The following SRGAP2 variants were observed in gnomAD, a reference collection of about 807,000 sequenced individuals.
SRGAP2 encodes the protein SLIT-ROBO Rho GTPase activating protein 2, also known as SLIT-ROBO Rho GTPase-activating protein 2.
SRGAP2 carries 15 observed loss-of-function variants against 57.2 expected under a neutral mutation model. That is an observed-to-expected ratio of 0.26 (90% CI 0.18 to 0.40). SRGAP2 has a LOEUF of 0.40. SRGAP2 is among the 10% of genes least tolerant of loss of function. SRGAP2 has a pLI of 1.00. For missense variants in SRGAP2, 520 were observed against 669.6 expected (o/e 0.78, Z 2.47); for synonymous variants, 249 against 248.0 (o/e 1.00, Z -0.04).
chr1:206,398,293 T>C (rs1558389085), intron 7 of SRGAP2, among the ~76,000 whole-genome samples: 3 of 152,240 alleles, frequency 2.0e-5, no homozygotes. Context: ...GCTTCTTCGC[T>C]GAAGGCTCGG....
At chr1:206,451,284 C>T (rs146893325) in intron 19 of SRGAP2, among the ~76,000 whole-genome samples, 41 of 152,064 alleles carry the variant, frequency 2.7e-4, no homozygotes, top group African/African-American at 9.2e-4. Flanking sequence ...TACAGACATG[C>T]GAGTGCCGAG....
Position 206,446,124 on chromosome 1 carries a change from A to G in SRGAP2, c.1924A>G (p.Ile642Val), listed in dbSNP as rs1173255909. ...ENMMDPYNLA[I>V]CFGPSLMSVP... ...CATGATGGACCCCTACAACCTCGCCATCTGCTTCGGGCCCTCGCTAATGTC... is the reference window on the plus strand; with the variant it reads ...CATGATGGACCCCTACAACCTCGCCGTCTGCTTCGGGCCCTCGCTAATGTC... Residue 642 changes from isoleucine to valine, a missense_variant, in exon 18 of 23, where the codon ATC (isoleucine) becomes GTC (valine). By Grantham distance (29) the Ile-to-Val change is conservative. Around this residue, in one of 5 missense-constraint regions of SRGAP2, gnomAD observed 478 missense variants for 373.6 expected, o/e 1.28. Coordinates refer to ENST00000573034, the MANE Select transcript of SRGAP2 (RefSeq NM_015326.5). 2.6e-6 allele frequency: 2 copies of G among 780,906 alleles called. No homozygotes were observed. Among genetic ancestry groups the G allele is most frequent in the South Asian group, 1.3e-5 (1 of 74,624 alleles). 48.4% of individuals were successfully genotyped at this position (780,906 alleles called of 1,614,324 possible).
chr1:206,437,018 G>C lies in SRGAP2; in HGVS notation c.1609G>C (p.Asp537His), dbSNP rs781971946. Residue 537 changes from aspartate (D) to histidine (H), a missense_variant, in exon 15 of 23, where the codon GAC becomes CAC. By Grantham distance (81) the Asp-to-His change is moderately conservative. Coordinates refer to ENST00000573034, the MANE Select transcript of SRGAP2 (RefSeq NM_015326.5). ...GTCAGGATCCCAGGTGGAAGTGAATGACATCAAAAATGCCTTTGAGAGAGG... is the reference window on the plus strand; with the variant it reads ...GTCAGGATCCCAGGTGGAAGTGAATCACATCAAAAATGCCTTTGAGAGAGG... ...RVSGSQVEVN[D>H]IKNAFERGED... 2 of 780,722 alleles carry C rather than the reference G, an allele frequency of 2.6e-6. No homozygotes were observed. The highest frequency in any genetic ancestry group is 4.8e-6 in the Non-Finnish European group (2 of 417,888). 48.4% of individuals were successfully genotyped at this position (780,722 alleles called of 1,614,324 possible).
At chr1:206,280,222 G>A (rs1251488091) in intron 2 of SRGAP2, among the ~76,000 whole-genome samples, 3 of 139,240 alleles carry the variant, frequency 2.2e-5, no homozygotes, top group African/African-American at 8.1e-5. Flanking sequence ...TGGGATTACA[G>A]GAACGTACCA....
chr1:206,256,373 T>A, intron 2 of SRGAP2, among the ~76,000 whole-genome samples: 1 of 152,170 alleles, frequency 6.6e-6, no homozygotes, highest in South Asian at 2.1e-4. Flanking sequence ...TTAGGTGAAA[T>A]CTCTTTGGCC....
intron 2 of SRGAP2, among the ~76,000 whole-genome samples, chr1:206,278,181 G>C (rs1250940617): frequency 2.6e-5 from 4 of 151,452 alleles, no homozygotes; most frequent in Non-Finnish European, 2.9e-5. Context: ...AAAGATCTCT[G>C]TGAGTTAACA....
chr1:206,401,323 C>A (rs12146010), intron 7 of SRGAP2, 98 bp from the exon 8 acceptor site: 1 of 713,974 alleles, frequency 1.4e-6, no homozygotes, highest in Non-Finnish European at 2.6e-6. Flanking sequence ...ACAGCCAAGC[C>A]TATTGATGTG....
chr1:206,308,662 TG>T (rs1407158176), intron 3 of SRGAP2, among the ~76,000 whole-genome samples: 4 of 147,260 alleles, frequency 2.7e-5, no homozygotes, highest in Non-Finnish European at 4.5e-5. Flanking sequence ...AATTTAAAGT[TG>T]GGGTAAGTGT....
chr1:206,346,713 G>C (rs1439909935), intron 4 of SRGAP2, among the ~76,000 whole-genome samples: 6 of 152,004 alleles, frequency 3.9e-5, no homozygotes, highest in Non-Finnish European at 7.4e-5. Context: ...ATGTGAATTT[G>C]GGTCTGTTTG....
intron 21 of SRGAP2, chr1:206,455,233 A>C (rs543011342): frequency 1.6e-6 from 1 of 606,468 alleles, no homozygotes; most frequent in Admixed American, 2.6e-5. Flanking sequence ...GTCTCCAGCT[A>C]GCTGCCCTCG....
intron 4 of SRGAP2, among the ~76,000 whole-genome samples, chr1:206,366,533 G>A (rs1654031771): frequency 6.6e-6 from 1 of 152,006 alleles, no homozygotes; most frequent in South Asian, 2.1e-4. Flanking sequence ...GGAGAGGACA[G>A]CCTGGCATGG....
At chr1:206,385,658 T>A (rs1365331142) in intron 5 of SRGAP2, among the ~76,000 whole-genome samples, 8 of 147,380 alleles carry the variant, frequency 5.4e-5, no homozygotes, top group Non-Finnish European at 5.9e-5. Context: ...TGCTGTGCTT[T>A]AAAAAAAAAA....
chr1:206,245,371 TTG>T (rs1465442567), intron 2 of SRGAP2, among the ~76,000 whole-genome samples: 16 of 152,060 alleles, frequency 1.1e-4, no homozygotes, highest in Non-Finnish European at 2.4e-4. Context: ...ACTAATTTTT[TTG>T]TGTGTGTTAT....
chr1:206,364,501 A>C (rs1345296800), intron 4 of SRGAP2, among the ~76,000 whole-genome samples: 4 of 151,986 alleles, frequency 2.6e-5, no homozygotes, highest in African/African-American at 9.7e-5. Flanking sequence ...GGTTTTCACT[A>C]TGTTGGCCAG....
chr1:206,248,552 G>A (rs545004701), intron 2 of SRGAP2, among the ~76,000 whole-genome samples: 41 of 152,072 alleles, frequency 2.7e-4, no homozygotes, highest in Middle Eastern at 3.4e-3. Context: ...AGATCTTTTG[G>A]CTTTGTAATA....
chr1:206,434,819 T>C (rs958309717), intron 14 of SRGAP2, among the ~76,000 whole-genome samples: 6 of 152,216 alleles, frequency 3.9e-5, no homozygotes, highest in African/African-American at 1.4e-4. Flanking sequence ...CTGCTTTTCC[T>C]TGGTGTCCTA....
chr1:206,428,027 A>G (rs1660954388), intron 13 of SRGAP2, among the ~76,000 whole-genome samples: 1 of 152,000 alleles, frequency 6.6e-6, no homozygotes, highest in South Asian at 2.1e-4. Context: ...ACTTGAGACT[A>G]TTTGCTCAAG....
intron 7 of SRGAP2, among the ~76,000 whole-genome samples, chr1:206,395,520 G>C (rs1317293749): frequency 7.3e-6 from 1 of 136,476 alleles, no homozygotes; most frequent in Admixed American, 7.2e-5. Context: ...TGTTGGGAGA[G>C]AGGCCTGTTC....
intron 5 of SRGAP2, among the ~76,000 whole-genome samples, chr1:206,387,338 T>C (rs1572021492): frequency 2.0e-5 from 3 of 148,820 alleles, no homozygotes; most frequent in Admixed American, 2.0e-4. Context: ...ATTGGTCACC[T>C]TGCATGGGAG....
Sources: allele counts gnomAD v4.1 joint callset (sites outside exome capture counted in the v4.1 genomes callset), GRCh38; gene constraint gnomAD v4.1.1; regional missense constraint gnomAD v4.1.1; transcripts MANE v1.5; gene names NCBI Gene and HGNC (gene_info 2026-07-23, HGNC 2026-07-21).